Variants in EML6 observed in about 807,000 individuals in gnomAD.
EML6 encodes the protein EMAP like 6.
EML6 carries 154 observed loss-of-function variants against 240.1 expected under a neutral mutation model. The observed-to-expected ratio is 0.64, with a 90% CI of 0.56 to 0.73. EML6 has a LOEUF of 0.73. EML6 is among the 30% of genes least tolerant of loss of function. The pLI is 0.00. For missense variants in EML6, 2,964 were observed against 2,474.6 expected (o/e 1.20, Z -4.20); for synonymous variants, 1,148 against 899.0 (o/e 1.28, Z -4.95).
intron 10 of EML6, among the ~76,000 whole-genome samples, chr2:54,851,024 C>G (rs924630928): frequency 6.6e-6 from 1 of 152,172 alleles, no homozygotes; most frequent in Non-Finnish European, 1.5e-5. Context: ...TGACCATATA[C>G]ACATGTAGTA....
chr2:54,953,067 C>T (rs1157502252), intron 31 of EML6, among the ~76,000 whole-genome samples: 2 of 152,088 alleles, frequency 1.3e-5, no homozygotes, highest in Admixed American at 1.3e-4. Context: ...TGGGAAACTG[C>T]CGGTGACAAA....
rs971388410 is a variant in EML6, at chr2:54,856,448, T to C, written c.1657+2593T>C. 2.0e-5 allele frequency among the ~76,000 whole-genome samples: 3 copies of C among 152,224 alleles called. No homozygotes were observed. In the East Asian group the frequency reaches 5.8e-4, roughly 29 times the overall value. ...ACCCACAAAAGTATCCATGTCCTGATAGCAAATGGACTTGTGTTGTACATT... is the reference window on the plus strand; with the variant it reads ...ACCCACAAAAGTATCCATGTCCTGACAGCAAATGGACTTGTGTTGTACATT... On this transcript the variant is annotated intron_variant, in intron 11 of 41. Transcript: ENST00000356458.
intron 9 of EML6, among the ~76,000 whole-genome samples, chr2:54,849,563 A>T (rs146227262): frequency 9.2e-5 from 14 of 152,300 alleles, no homozygotes; most frequent in African/African-American, 3.1e-4. Flanking sequence ...ATCTTGACTC[A>T]CTGCAAACTC....
rs539547086 is a variant in EML6, at chr2:54,827,134, T to C, written c.526-432T>C. Among the ~76,000 whole-genome samples, 10 of 152,332 alleles carry C rather than the reference T, an allele frequency of 6.6e-5. No homozygotes were observed. The South Asian group carries it at 1.9e-3, about 28-fold the overall frequency. On this transcript the variant is annotated intron_variant, in intron 5 of 41. Coordinates refer to ENST00000356458, the MANE Select transcript of EML6 (RefSeq NM_001039753.4). Reference sequence around the variant, plus strand: ...GTTGCAGTGAGCTGAGATGGCGCCATTGCATTCCAGAAGTTACAGACTATC... The same window carrying C: ...GTTGCAGTGAGCTGAGATGGCGCCACTGCATTCCAGAAGTTACAGACTATC...
At chr2:54,866,131 A>C (rs1311526612) in intron 13 of EML6, among the ~76,000 whole-genome samples, 1 of 152,244 alleles carries the variant, frequency 6.6e-6, no homozygotes, top group Admixed American at 6.5e-5. Context: ...AGTTTGATTA[A>C]ATAAAAACTT....
chr2:54,849,264 T>C (rs1572998240), intron 9 of EML6, among the ~76,000 whole-genome samples: 1 of 152,220 alleles, frequency 6.6e-6, no homozygotes, highest in East Asian at 1.9e-4. Flanking sequence ...TTTTTCTTTA[T>C]GCTAGAGACA....
intron 34 of EML6, 140 bp from the exon 35 acceptor site, chr2:54,960,080 G>C: frequency 1.5e-6 from 1 of 650,814 alleles, no homozygotes; most frequent in Non-Finnish European, 2.7e-6. Context: ...TGCCTGGAGG[G>C]TCTGGACCCT....
At chr2:54,937,056 G>T (rs1253725564) in intron 28 of EML6, among the ~76,000 whole-genome samples, 1 of 150,680 alleles carries the variant, frequency 6.6e-6, no homozygotes, top group Non-Finnish European at 1.5e-5. Context: ...GAGGAGGGTG[G>T]ATCACCAGAG....
At chr2:54,823,390 G>A (rs1668421054) in intron 5 of EML6, among the ~76,000 whole-genome samples, 1 of 152,102 alleles carries the variant, frequency 6.6e-6, no homozygotes, top group Admixed American at 6.5e-5. Flanking sequence ...GGGGAGCTGG[G>A]TGGGTCCTTG....
At chr2:54,800,756 C>T (rs1433395413) in intron 2 of EML6, among the ~76,000 whole-genome samples, 2 of 152,084 alleles carry the variant, frequency 1.3e-5, no homozygotes, top group South Asian at 4.2e-4. Context: ...TTTTTACTCT[C>T]AGTGGATGAA....
At chr2:54,768,559 C>A (rs1446509412) in intron 2 of EML6, among the ~76,000 whole-genome samples, 1 of 152,172 alleles carries the variant, frequency 6.6e-6, no homozygotes, top group African/African-American at 2.4e-5. Flanking sequence ...TTGCGTAAAT[C>A]TCTCTCTGTG....
rs1214955511 is a variant in EML6 at position 54,859,625 on chromosome 2, G to T, written c.1749G>T (p.Gly583=). The T allele has an allele frequency of 6.4e-7, 1 of 1,551,240 alleles. No individual in the cohort carries two copies. The highest frequency in any genetic ancestry group is 2.4e-5 in the East Asian group (1 of 40,912). The change falls in exon 12 of 42, where the codon GGG becomes GGT. Residue 583 remains glycine, a synonymous_variant. Transcript: ENST00000356458. ...HDFQWVLSTG[G]ADHSVFQWRF... Reference sequence around the variant, plus strand: ...TTCAGTGGGTGTTGAGCACAGGAGGGGCTGATCACTCAGTTTTCCAGTGGA... The same window carrying T: ...TTCAGTGGGTGTTGAGCACAGGAGGTGCTGATCACTCAGTTTTCCAGTGGA...
intron 7 of EML6, among the ~76,000 whole-genome samples, chr2:54,840,490 A>G (rs1669386590): frequency 6.6e-6 from 1 of 152,178 alleles, no homozygotes; most frequent in Non-Finnish European, 1.5e-5. Flanking sequence ...CCCCTTTTTC[A>G]AATGTAATCT....
At chr2:54,818,383 C>A (rs550621451) in intron 4 of EML6, among the ~76,000 whole-genome samples, 12 of 152,270 alleles carry the variant, frequency 7.9e-5, no homozygotes, top group Middle Eastern at 3.4e-3. Context: ...GGTATACTTC[C>A]GTAACAAATA....
At chr2:54,943,155 CAG>C (rs1285068300) in intron 28 of EML6, among the ~76,000 whole-genome samples, 1 of 152,238 alleles carries the variant, frequency 6.6e-6, no homozygotes, top group African/African-American at 2.4e-5. Context: ...ACTGAGAAAA[CAG>C]AAGCCACTGG....
intron 12 of EML6, among the ~76,000 whole-genome samples, chr2:54,861,503 T>A (rs1309543706): frequency 6.6e-6 from 1 of 152,222 alleles, no homozygotes; most frequent in Non-Finnish European, 1.5e-5. Context: ...TGTGCTCAGC[T>A]TCACTGTGAA....
At position 54,869,282 on chromosome 2, in the gene EML6, A is replaced by T; in HGVS notation, c.2153A>T (p.His718Leu). 1 of 1,551,586 alleles carries T rather than the reference A, an allele frequency of 6.4e-7. No homozygotes were observed. Among genetic ancestry groups the T allele is most frequent in the South Asian group, 1.2e-5 (1 of 84,050 alleles). The stretch of plus-strand genomic sequence containing the variant: ...GCTGTCGTGTATAATCGGCAGCAGC[A>T]CTCCCAGAGGCTGTACCTGGGGCAC... ...AVAVVYNRQQ[H>L]SQRLYLGHDD... Residue 718 changes from histidine (H) to leucine (L), a missense_variant, in exon 15 of 42, where the codon CAC becomes CTC. Physicochemically the swap from His to Leu is moderately conservative, Grantham distance 99. Coordinates refer to ENST00000356458, the MANE Select transcript of EML6 (RefSeq NM_001039753.4).
Position 54,902,161 on chromosome 2 carries a change from T to TA in EML6, c.3125-875dup, listed in dbSNP as rs140711684. ...CAAGTTGTATGTAAGGCTTAATATT[T>TA]AAAAAAAATGGTTTCTGGAAATTTT... On this transcript the variant is annotated intron_variant, in intron 22 of 41. Transcript: ENST00000356458. Among the ~76,000 whole-genome samples the TA allele has an allele frequency of 9.9e-4, 150 of 152,002 alleles. 2 individuals are homozygous for TA. The highest frequency in any genetic ancestry group is 3.0e-3 in the African/African-American group (123 of 41,446).
chr2:54,857,485 T>G (rs1193988740), intron 11 of EML6, among the ~76,000 whole-genome samples: 1 of 152,200 alleles, frequency 6.6e-6, no homozygotes, highest in Admixed American at 6.5e-5. Context: ...AGGCCAGTGA[T>G]GAAAACAAGC....
Sources: gnomAD v4.1 joint callset for allele counts (sites outside exome capture counted in the v4.1 genomes callset) on GRCh38, gnomAD v4.1.1 for gene constraint, MANE v1.5 for transcripts, NCBI Gene and HGNC (gene_info 2026-07-23, HGNC 2026-07-21) for gene names.